Variants in CFAP221 observed in about 807,000 individuals in gnomAD.
CFAP221 encodes the protein cilia and flagella associated protein 221, also known as cilia- and flagella-associated protein 221.
Under a neutral mutation model 113.1 loss-of-function variants are expected in CFAP221, and 97 were observed. The ratio of observed to expected loss-of-function variants is 0.86; its 90% confidence interval spans 0.73 to 1.02. The LOEUF is 1.02. Ranked by LOEUF, CFAP221 falls within the 50% of genes least tolerant of loss-of-function variation. The probability of loss-of-function intolerance (pLI) is 0.00; values close to 1 mark genes in which losing one functional copy is unlikely to be tolerated. For synonymous variants in CFAP221, 331 were observed against 354.4 expected, an observed-to-expected ratio of 0.93 and a Z score of 0.74; for missense variants, 1,025 against 1,013.4, an observed-to-expected ratio of 1.01 and a Z score of -0.16.
intron 16 of CFAP221, 110 bp from the exon 17 acceptor site, chr2:119,629,765 G>A (rs1686634661): frequency 1.2e-6 from 1 of 816,834 alleles, no homozygotes; most frequent in African/African-American, 1.7e-5. Flanking sequence ...AGGAGGAGTT[G>A]CTCTGAGAGT....
chr2:119,551,782 A>G (rs1205676434), intron 3 of CFAP221, among the ~76,000 whole-genome samples: 2 of 152,220 alleles, frequency 1.3e-5, no homozygotes, highest in Non-Finnish European at 2.9e-5. Context: ...CAATTTCTGC[A>G]AGAATACTTT....
At chr2:119,635,116 T>C (rs1357232030) in intron 19 of CFAP221, among the ~76,000 whole-genome samples, 1 of 152,200 alleles carries the variant, frequency 6.6e-6, no homozygotes, top group African/African-American at 2.4e-5. Context: ...CACGAGAAGA[T>C]GCACAGAATA....
At chr2:119,617,542 G>A (rs1313999055) in intron 14 of CFAP221, among the ~76,000 whole-genome samples, 3 of 152,210 alleles carry the variant, frequency 2.0e-5, no homozygotes, top group African/African-American at 7.2e-5. Flanking sequence ...CTGAAAAAGG[G>A]TATCAGCAAT....
In CFAP221 at chr2:119,601,298, C is replaced by G. The variant is rs1684349013; in HGVS notation, c.712C>G (p.Gln238Glu). The stretch of plus-strand genomic sequence containing the variant: ...GTATGGGACTGCACAAATAAAAATG[C>G]AGTTATGGATTTCGCAGTTCAACTC... ...FQYGTAQIKM[Q>E]LWISQFNSQP... The change falls in exon 8 of 24, where the codon CAG becomes GAG. Residue 238 changes from glutamine to glutamate, a missense_variant. Transcript: ENST00000413369. 6.5e-7 allele frequency: 1 copy of G among 1,535,594 alleles called. No individual in the cohort carries two copies. The highest frequency in any genetic ancestry group is 8.7e-7 in the Non-Finnish European group (1 of 1,146,636).
chr2:119,648,431 G>T (rs770509379), intron 22 of CFAP221: 1 of 297,418 alleles, frequency 3.4e-6, no homozygotes, highest in Admixed American at 3.9e-5. Flanking sequence ...TCATGTCTTT[G>T]GGGGTATAAA....
chr2:119,564,066 G>A (rs959514413), intron 6 of CFAP221, among the ~76,000 whole-genome samples: 8 of 152,210 alleles, frequency 5.3e-5, no homozygotes, highest in African/African-American at 1.9e-4. Context: ...GGAGGGGGAA[G>A]CAAGGCCTAA....
At chr2:119,626,499 GCTT>G (rs1686315504) in intron 15 of CFAP221, among the ~76,000 whole-genome samples, 1 of 152,066 alleles carries the variant, frequency 6.6e-6, no homozygotes, top group Admixed American at 6.6e-5. Flanking sequence ...TGTGCCCTCT[GCTT>G]CTTCTTGTCA....
intron 7 of CFAP221, among the ~76,000 whole-genome samples, chr2:119,593,100 T>C (rs955243362): frequency 8.5e-5 from 13 of 152,328 alleles, no homozygotes; most frequent in Non-Finnish European, 7.4e-5. Flanking sequence ...CAATTATGTG[T>C]GTATGTTGGT....
At chr2:119,607,904 A>T (rs999845823) in intron 11 of CFAP221, among the ~76,000 whole-genome samples, 1 of 152,216 alleles carries the variant, frequency 6.6e-6, no homozygotes, top group African/African-American at 2.4e-5. Context: ...TTGTTCATTC[A>T]TCAGTTACTG....
intron 2 of CFAP221, among the ~76,000 whole-genome samples, chr2:119,547,509 A>G (rs1308791181): frequency 6.6e-6 from 1 of 152,204 alleles, no homozygotes; most frequent in Non-Finnish European, 1.5e-5. Context: ...CAGTGAGCCA[A>G]GATGGCGCCA....
rs191006538 is a variant in CFAP221, at chr2:119,593,870, A to C, written c.631+6648A>C. On this transcript the variant is annotated intron_variant, in intron 7 of 23. Coordinates refer to ENST00000413369, the MANE Select transcript of CFAP221 (RefSeq NM_001271049.2). The stretch of plus-strand genomic sequence containing the variant: ...AAACAAAACGAAACAACAACAACAA[A>C]AAAAACCCCACCAGCTCTCATGTGA... 2.6e-5 allele frequency among the ~76,000 whole-genome samples: 4 copies of C among 152,012 alleles called. No homozygotes were observed. In the East Asian group the frequency reaches 5.8e-4, roughly 22 times the overall value.
intron 22 of CFAP221, among the ~76,000 whole-genome samples, chr2:119,651,384 GA>G (rs900626453): frequency 2.8e-4 from 40 of 141,942 alleles, no homozygotes; most frequent in South Asian, 8.8e-4. Flanking sequence ...ACAACAGCAA[GA>G]AAAAAAAAAG....
At chr2:119,639,467 A>C (rs569539313) in intron 20 of CFAP221, among the ~76,000 whole-genome samples, 1 of 152,350 alleles carries the variant, frequency 6.6e-6, no homozygotes, top group East Asian at 1.9e-4. Flanking sequence ...GTGTTGCATT[A>C]GCATCACATT....
chr2:119,551,620 C>T (rs1250409774), intron 3 of CFAP221, among the ~76,000 whole-genome samples: 2 of 152,132 alleles, frequency 1.3e-5, no homozygotes, highest in African/African-American at 4.8e-5. Context: ...ACCTGTATGC[C>T]TACACTGATG....
At chr2:119,608,876 GGCATTCACA>G (rs1177152919) in intron 12 of CFAP221, among the ~76,000 whole-genome samples, 1 of 152,190 alleles carries the variant, frequency 6.6e-6, no homozygotes, top group East Asian at 1.9e-4. Flanking sequence ...AGAGGACAAA[GGCATTCACA>G]TGGAGGGAAT....
intron 21 of CFAP221, among the ~76,000 whole-genome samples, chr2:119,644,902 A>G (rs1687704636): frequency 1.3e-5 from 2 of 152,072 alleles, no homozygotes; most frequent in South Asian, 4.2e-4. Context: ...TACTTACTCA[A>G]TCTTATAATA....
At chr2:119,557,014 G>A in intron 3 of CFAP221, 1 of 152,322 alleles carries the variant, frequency 6.6e-6, no homozygotes, top group Non-Finnish European at 1.5e-5. Context: ...ATAGGTGCTG[G>A]CTGGATCTCC....
intron 6 of CFAP221, among the ~76,000 whole-genome samples, chr2:119,577,203 T>C (rs970714209): frequency 1.3e-5 from 2 of 152,144 alleles, no homozygotes; most frequent in African/African-American, 2.4e-5. Context: ...GGGGCTCCAG[T>C]CCCTTCCTCT....
Position 119,656,540 on chromosome 2 carries a change from A to T in CFAP221, c.*70A>T. 2 of 1,000,574 alleles carry T rather than the reference A, an allele frequency of 2.0e-6. No individual in the cohort carries two copies. The highest frequency in any genetic ancestry group is 2.8e-5 in the South Asian group (2 of 71,602). The allele number at this position is 1,000,574 out of a possible 1,614,324, so 62.0% of individuals were successfully genotyped here. A position where few individuals can be genotyped will look rare whatever the true frequency, so the allele number is the denominator to read the frequency against. ...ACTGTGGCCCCTTGCGTCCATTTAC[A>T]TGCCAGCCATCTCTGCAATTAAAGT... On this transcript the variant is annotated 3_prime_UTR_variant, in exon 24 of 24. Coordinates refer to ENST00000413369, the MANE Select transcript of CFAP221 (RefSeq NM_001271049.2).
Sources: gnomAD v4.1 joint callset for allele counts (sites outside exome capture counted in the v4.1 genomes callset) on GRCh38, gnomAD v4.1.1 for gene constraint, MANE v1.5 for transcripts, NCBI Gene and HGNC (gene_info 2026-07-23, HGNC 2026-07-21) for gene names.